CHST9: variants seen among roughly 807,000 people sequenced by gnomAD.
CHST9 encodes the protein carbohydrate sulfotransferase 9.
A neutral mutation model predicts 44.4 loss-of-function variants in CHST9; 41 were observed. The ratio of observed to expected loss-of-function variants is 0.92; its 90% confidence interval spans 0.72 to 1.20. The LOEUF (loss-of-function observed/expected upper bound fraction) is 1.20. Ranked by LOEUF, CHST9 falls within the 50% of genes most tolerant of loss-of-function variation. CHST9 has a pLI of 0.00. For synonymous variants in CHST9, 171 were observed against 178.4 expected, an observed-to-expected ratio of 0.96 and a Z score of 0.33; for missense variants, 504 against 516.5, an observed-to-expected ratio of 0.98 and a Z score of 0.23.
At chr18:26,919,303 T>G (rs2055601150) in intron 5 of CHST9, among the ~76,000 whole-genome samples, 1 of 152,206 alleles carries the variant, frequency 6.6e-6, no homozygotes. Context: ...TAAAACCATT[T>G]GTCTGCTGTC....
rs2055378935 is a variant in CHST9 at position 26,906,906 on chromosome 18, A to G, written c.*9353T>C. On this transcript the variant is annotated 3_prime_UTR_variant, in exon 6 of 6. Transcript: ENST00000618847. Reference sequence around the variant, plus strand: ...GAAGAAAACTATCCAATGTTAGGGTATTATGTCCATTCTAGGCTGTTGGAG... The same window carrying G: ...GAAGAAAACTATCCAATGTTAGGGTGTTATGTCCATTCTAGGCTGTTGGAG... The G allele has an allele frequency of 1.3e-5, 2 of 152,268 alleles. No homozygotes were observed. The highest frequency in any genetic ancestry group is 1.3e-4 in the Admixed American group (2 of 15,284). The allele number at this position is 152,268 out of a possible 1,614,324, so 9.4% of individuals were successfully genotyped here.
intron 4 of CHST9, among the ~76,000 whole-genome samples, chr18:26,982,733 T>G (rs1156687219): frequency 6.6e-6 from 1 of 152,208 alleles, no homozygotes; most frequent in Non-Finnish European, 1.5e-5. Flanking sequence ...CTCCATTTAC[T>G]GTACCTTGTT....
chr18:27,169,834 C>G (rs1368745614), intron 1 of CHST9, among the ~76,000 whole-genome samples: 3 of 152,000 alleles, frequency 2.0e-5, no homozygotes, highest in Non-Finnish European at 4.4e-5. Flanking sequence ...GTCTCGATCT[C>G]CTAACGTCGT....
At chr18:26,965,974 T>G (rs373941173) in intron 4 of CHST9, among the ~76,000 whole-genome samples, 1 of 152,196 alleles carries the variant, frequency 6.6e-6, no homozygotes, top group Admixed American at 6.5e-5. Context: ...TAAAACAGAA[T>G]AGACATAATA....
chr18:27,058,843 C>A (rs974914851), intron 2 of CHST9, among the ~76,000 whole-genome samples: 22 of 152,128 alleles, frequency 1.4e-4, no homozygotes, highest in African/African-American at 4.1e-4. Flanking sequence ...AGCAAAATAT[C>A]ATTTTTATAT....
chr18:27,150,405 C>A (rs1346423740), intron 1 of CHST9, among the ~76,000 whole-genome samples: 1 of 152,186 alleles, frequency 6.6e-6, no homozygotes, highest in Non-Finnish European at 1.5e-5. Context: ...TTTACTTCCA[C>A]CTTCTTTCTC....
At chr18:27,083,116 T>C (rs963976470) in intron 2 of CHST9, among the ~76,000 whole-genome samples, 1 of 152,134 alleles carries the variant, frequency 6.6e-6, no homozygotes, top group African/African-American at 2.4e-5. Flanking sequence ...ATGGTATGTA[T>C]ATATAAGTAG....
chr18:26,981,005 T>A (rs1211641557), intron 4 of CHST9, among the ~76,000 whole-genome samples: 2 of 152,216 alleles, frequency 1.3e-5, no homozygotes, highest in Non-Finnish European at 2.9e-5. Flanking sequence ...ATAGAAATGA[T>A]CATTAAATAT....
intron 4 of CHST9, among the ~76,000 whole-genome samples, chr18:27,018,444 CA>C (rs940962181): frequency 6.6e-6 from 1 of 151,984 alleles, no homozygotes; most frequent in Admixed American, 6.5e-5. Flanking sequence ...CCTTTCCCTA[CA>C]AAAGAAAAAA....
intron 4 of CHST9, among the ~76,000 whole-genome samples, chr18:26,963,435 G>A (rs575068093): frequency 3.9e-5 from 6 of 152,108 alleles, no homozygotes; most frequent in South Asian, 4.2e-4. Context: ...TTACTGAGCC[G>A]TTGGGTCTAT....
rs116173323 is a variant in CHST9 at position 27,138,691 on chromosome 18, C to T, written c.121+3998G>A. Among the ~76,000 whole-genome samples the T allele has an allele frequency of 9.7e-3, 1,479 of 152,214 alleles. 23 individuals are homozygous for T. The highest frequency in any genetic ancestry group is 0.033 in the African/African-American group (1,367 of 41,530). On this transcript the variant is annotated intron_variant, in intron 2 of 5. Coordinates refer to ENST00000618847, the MANE Select transcript of CHST9 (RefSeq NM_031422.6). ...TGTTTGCCAGGCACCATGCTGAGTGCTTTGCAAGCATTGTCTCCTTTAATC... is the reference window on the plus strand; with the variant it reads ...TGTTTGCCAGGCACCATGCTGAGTGTTTTGCAAGCATTGTCTCCTTTAATC...
intron 4 of CHST9, among the ~76,000 whole-genome samples, chr18:26,997,174 G>T: frequency 6.6e-6 from 1 of 152,146 alleles, no homozygotes; most frequent in East Asian, 1.9e-4. Context: ...GAGTGCTTAG[G>T]ATCCACACAC....
In CHST9 at chr18:26,916,693, A is replaced by AAC; in HGVS notation, c.896_897dup (p.Tyr300ValfsTer24). On this transcript the variant is annotated frameshift_variant, in exon 6 of 6. Transcript: ENST00000618847. LOFTEE classifies it high-confidence loss of function. Reference sequence around the variant, plus strand: ...GCCTTTCCGAATACTGGATGGTAATAACTATTGGGGTGTTCAAATTTGTCC... The same window carrying AAC: ...GCCTTTCCGAATACTGGATGGTAATAACACTATTGGGGTGTTCAAATTTGTCC... 6.2e-7 allele frequency: 1 copy of AAC among 1,613,896 alleles called. No homozygotes were observed. Among genetic ancestry groups the AAC allele is most frequent in the Non-Finnish European group, 8.5e-7 (1 of 1,179,812 alleles).
At chr18:27,056,962 C>T (rs2057663337) in intron 2 of CHST9, among the ~76,000 whole-genome samples, 1 of 152,126 alleles carries the variant, frequency 6.6e-6, no homozygotes, top group African/African-American at 2.4e-5. Flanking sequence ...CAAAATTCTC[C>T]CCAGTTATGA....
intron 4 of CHST9, among the ~76,000 whole-genome samples, chr18:26,987,277 G>C (rs2056765017): frequency 6.6e-6 from 1 of 152,152 alleles, no homozygotes; most frequent in African/African-American, 2.4e-5. Context: ...CTTTGCACGT[G>C]TCTGCTTCCT....
intron 3 of CHST9, among the ~76,000 whole-genome samples, chr18:27,042,639 T>C (rs1054610084): frequency 3.9e-5 from 6 of 152,076 alleles, no homozygotes; most frequent in Non-Finnish European, 8.8e-5. Context: ...TTTTAAAATG[T>C]TGACCATAAA....
At chr18:26,943,611 C>T (rs769839546) in intron 5 of CHST9, among the ~76,000 whole-genome samples, 4 of 152,218 alleles carry the variant, frequency 2.6e-5, no homozygotes, top group Non-Finnish European at 4.4e-5. Flanking sequence ...CATTCTCTGA[C>T]TCTAGTGGCA....
chr18:27,031,663 T>A (rs933910270), intron 3 of CHST9, among the ~76,000 whole-genome samples: 1 of 152,220 alleles, frequency 6.6e-6, no homozygotes, highest in African/African-American at 2.4e-5. Context: ...GGATCCAGTA[T>A]AACTGCATTA....
At chr18:26,968,618 G>GTCT (rs2056496923) in intron 4 of CHST9, among the ~76,000 whole-genome samples, 1 of 152,162 alleles carries the variant, frequency 6.6e-6, no homozygotes, top group African/African-American at 2.4e-5. Context: ...GTGTGTGGAT[G>GTCT]TCTTTAATAT....
Sources: gnomAD v4.1 joint callset for allele counts (sites outside exome capture counted in the v4.1 genomes callset) on GRCh38, gnomAD v4.1.1 for gene constraint, MANE v1.5 for transcripts, NCBI Gene and HGNC (gene_info 2026-07-23, HGNC 2026-07-21) for gene names.